Variants in HLA-DRB5 observed in about 807,000 individuals in gnomAD.
The protein encoded by HLA-DRB5 is DR beta-5.
Under a neutral mutation model 22.4 loss-of-function variants are expected in HLA-DRB5, and 11 were observed. That is an observed-to-expected ratio of 0.49 (90% CI 0.31 to 0.81). The LOEUF is 0.81. Among genes scored for constraint, HLA-DRB5 ranks in the 40% least tolerant of loss-of-function variants. HLA-DRB5 has a pLI of 0.05. For synonymous variants in HLA-DRB5, 57 were observed against 106.0 expected (o/e 0.54, Z 2.84); for missense variants, 106 against 274.4 (o/e 0.39, Z 4.34).
intron 2 of HLA-DRB5, among the ~76,000 whole-genome samples, chr6:32,520,590 A>G (rs1303909545): frequency 1.5e-4 from 6 of 40,084 alleles, no homozygotes; most frequent in Non-Finnish European, 3.1e-4. Flanking sequence ...TGACATTTGG[A>G]TCAAGGCAGG....
At chr6:32,521,004 T>A (rs190526848) in intron 2 of HLA-DRB5, among the ~76,000 whole-genome samples, 44 of 32,488 alleles carry the variant, frequency 1.4e-3, no homozygotes, top group East Asian at 2.4e-3. Context: ...GCAGTAATTA[T>A]AATTGGGCAA....
Position 32,522,488 on chromosome 6 carries a change from C to A in HLA-DRB5, c.101-314G>T, listed in dbSNP as rs569677611. 4.2e-3 allele frequency among the ~76,000 whole-genome samples: 164 copies of A among 39,370 alleles called. 21 individuals are homozygous for A. The highest frequency in any genetic ancestry group is 0.034 in the East Asian group (45 of 1,328). The allele number at this position is 39,370 out of a possible 152,430, so 25.8% of individuals were successfully genotyped here. Reference sequence around the variant, plus strand: ...CCGCCCAGCACCGGAGCCCGCGCCGCCTCCTCCTGGGAGCCTGCACCCCAA... The same window carrying A: ...CCGCCCAGCACCGGAGCCCGCGCCGACTCCTCCTGGGAGCCTGCACCCCAA... On this transcript the variant is annotated intron_variant, in intron 1 of 5. Transcript: ENST00000374975.
intron 1 of HLA-DRB5, among the ~76,000 whole-genome samples, chr6:32,526,057 T>A (rs111504925): frequency 0.11 from 7,120 of 67,034 alleles, 57 homozygotes; most frequent in Admixed American, 0.16. Context: ...TTGATCCAGC[T>A]GGCTCCCTGA....
intron 1 of HLA-DRB5, among the ~76,000 whole-genome samples, chr6:32,523,006 G>A (rs1769136023): frequency 7.1e-6 from 1 of 140,086 alleles, no homozygotes; most frequent in Non-Finnish European, 1.6e-5. Flanking sequence ...AAAGCAGAGA[G>A]GCTGAGGGGA....
At chr6:32,523,442 A>T (rs775372237) in intron 1 of HLA-DRB5, among the ~76,000 whole-genome samples, 3,197 of 39,850 alleles carry the variant, frequency 0.08, 731 homozygotes, top group East Asian at 0.12. Flanking sequence ...AAAATAACTG[A>T]AAAATAATCC....
rs1340184024 is a variant in HLA-DRB5, at chr6:32,520,714, A to G, written c.371-1063T>C. Among the ~76,000 whole-genome samples the G allele has an allele frequency of 6.9e-5, 7 of 100,776 alleles. 3 individuals are homozygous for G. The highest frequency in any genetic ancestry group is 2.8e-4 in the African/African-American group (7 of 24,812). The allele number at this position is 100,776 out of a possible 152,430, so 66.1% of individuals were successfully genotyped here. A position where few individuals can be genotyped will look rare whatever the true frequency, so the allele number is the denominator to read the frequency against. On this transcript the variant is annotated intron_variant, in intron 2 of 5. Transcript: ENST00000374975. Reference sequence around the variant, plus strand: ...AGGAAGGAGAAACCTGGAGACAAAAATACCACAAAATGATAGATTTAAGAT... The same window carrying G: ...AGGAAGGAGAAACCTGGAGACAAAAGTACCACAAAATGATAGATTTAAGAT...
rs116501574 is a variant in HLA-DRB5 at position 32,520,330 on chromosome 6, T to C, written c.371-679A>G. Among the ~76,000 whole-genome samples the C allele has an allele frequency of 9.9e-5, 8 of 80,580 alleles. 1 individual carries two copies. Among genetic ancestry groups the C allele is most frequent in the South Asian group, 3.6e-4 (1 of 2,762 alleles). The allele number at this position is 80,580 out of a possible 152,430, so 52.9% of individuals were successfully genotyped here. On this transcript the variant is annotated intron_variant, in intron 2 of 5. Coordinates refer to ENST00000374975, the MANE Select transcript of HLA-DRB5 (RefSeq NM_002125.4). ...GAGTATGAATGTTTAGGAATACTACTGCCATGCACTCACACCTTAGAACAA... is the reference window on the plus strand; with the variant it reads ...GAGTATGAATGTTTAGGAATACTACCGCCATGCACTCACACCTTAGAACAA...
chr6:32,523,676 G>A (rs115881023), intron 1 of HLA-DRB5, among the ~76,000 whole-genome samples: 60,812 of 93,728 alleles, frequency 0.65, 20,901 homozygotes, highest in Middle Eastern at 0.78. Flanking sequence ...TAACTATGAA[G>A]CTATTAAACT....
At position 32,521,725 on chromosome 6, in the gene HLA-DRB5, C is replaced by A. The variant is rs181687346; in HGVS notation, c.370+180G>T. Among the ~76,000 whole-genome samples, 3 of 61,684 alleles carry A rather than the reference C, an allele frequency of 4.9e-5. 1 individual carries two copies. Among genetic ancestry groups the A allele is most frequent in the Non-Finnish European group, 1.1e-4 (3 of 28,170 alleles). 40.5% of individuals were successfully genotyped at this position (61,684 alleles called of 152,430 possible). A position where few individuals can be genotyped will look rare whatever the true frequency, so the allele number is the denominator to read the frequency against. Reference sequence around the variant, plus strand: ...CCACACTCTACACACACACCTGTGTCCTCAGAAGTCCTTGCTCAAGATTGA... The same window carrying A: ...CCACACTCTACACACACACCTGTGTACTCAGAAGTCCTTGCTCAAGATTGA... On this transcript the variant is annotated intron_variant, in intron 2 of 5. Coordinates refer to ENST00000374975, the MANE Select transcript of HLA-DRB5 (RefSeq NM_002125.4).
At chr6:32,525,447 G>C (rs200440011) in intron 1 of HLA-DRB5, among the ~76,000 whole-genome samples, 57 of 67,528 alleles carry the variant, frequency 8.4e-4, no homozygotes, top group South Asian at 2.3e-3. Flanking sequence ...AAAGCAATTA[G>C]TATCTTCATC....
intron 2 of HLA-DRB5, among the ~76,000 whole-genome samples, chr6:32,520,738 A>C (rs190529071): frequency 0.14 from 7,518 of 54,350 alleles, 1,240 homozygotes; most frequent in Non-Finnish European, 0.16. Context: ...TAGATTTAAG[A>C]TGGTTTGTAA....
chr6:32,522,256 G>T, intron 1 of HLA-DRB5, 82 bp from the exon 2 acceptor site: 1 of 490,096 alleles, frequency 2.0e-6, no homozygotes, highest in Non-Finnish European at 3.0e-6. Flanking sequence ...GGGGCTCCCT[G>T]GGCGGGGTGC....
intron 1 of HLA-DRB5, among the ~76,000 whole-genome samples, chr6:32,524,525 A>G (rs796201069): frequency 0.33 from 23,487 of 71,664 alleles, 1,432 homozygotes; most frequent in Middle Eastern, 0.41. Flanking sequence ...TCAGAAAGTC[A>G]GAAACCAAGA....
In HLA-DRB5 at chr6:32,525,051, T is replaced by C. The variant is rs187328263; in HGVS notation, c.101-2877A>G. On this transcript the variant is annotated intron_variant, in intron 1 of 5. Coordinates refer to ENST00000374975, the MANE Select transcript of HLA-DRB5 (RefSeq NM_002125.4). ...AATGCAAAATGAATGAAAGTTTCTT[T>C]TATACATTGGAACTAGAAGCCCTTG... is the stretch of plus-strand genomic sequence containing the variant. 6.5e-3 allele frequency among the ~76,000 whole-genome samples: 158 copies of C among 24,358 alleles called. 42 individuals are homozygous for C. Among genetic ancestry groups the C allele is most frequent in the Admixed American group, 7.2e-3 (13 of 1,794 alleles). 16.0% of individuals were successfully genotyped at this position (24,358 alleles called of 152,430 possible).
chr6:32,529,730 T>A (rs2395210), intron 1 of HLA-DRB5, among the ~76,000 whole-genome samples: 248 of 114,134 alleles, frequency 2.2e-3, no homozygotes, highest in Middle Eastern at 0.011. Context: ...GGAGAGACCC[T>A]TTGAATTCCC....
chr6:32,519,806 A>G (rs111741540), intron 2 of HLA-DRB5, among the ~76,000 whole-genome samples, 155 bp from the exon 3 acceptor site: 20,214 of 76,378 alleles, frequency 0.26, 224 homozygotes, highest in Admixed American at 0.32. Context: ...TCAGCCTGGA[A>G]TTTAGTCTTT....
At chr6:32,525,444 T>C (rs1354926480) in intron 1 of HLA-DRB5, among the ~76,000 whole-genome samples, 6,153 of 59,212 alleles carry the variant, frequency 0.1, 84 homozygotes, top group Admixed American at 0.16. Context: ...TCTAAAGCAA[T>C]TAGTATCTTC....
At position 32,518,675 on chromosome 6, in the gene HLA-DRB5, G is replaced by GTT; in HGVS notation, c.653-10_653-9insAA. 1 of 638,386 alleles carries GTT rather than the reference G, an allele frequency of 1.6e-6. No homozygotes were observed. Among genetic ancestry groups the GTT allele is most frequent in the South Asian group, 2.6e-5 (1 of 38,782 alleles). The allele number at this position is 638,386 out of a possible 1,614,324, so 39.5% of individuals were successfully genotyped here. On this transcript the variant is annotated splice_polypyrimidine_tract_variant and intron_variant, in intron 3 of 5. Transcript: ENST00000374975. ...AGATTCAGACTGTGCTCCTGGGAGAGGAAACCAGGTTTAGTGATTTTTATC... is the reference window on the plus strand; with the variant it reads ...AGATTCAGACTGTGCTCCTGGGAGAGTTGAAACCAGGTTTAGTGATTTTTATC...
At chr6:32,524,834 G>A (rs150123462) in intron 1 of HLA-DRB5, among the ~76,000 whole-genome samples, 9,973 of 52,774 alleles carry the variant, frequency 0.19, 1,721 homozygotes, top group East Asian at 0.25. Flanking sequence ...ACCAGAGGAT[G>A]CCCAGGTAAA....
Sources: gnomAD v4.1 joint callset for allele counts (sites outside exome capture counted in the v4.1 genomes callset) on GRCh38, gnomAD v4.1.1 for gene constraint, MANE v1.5 for transcripts, NCBI Gene and HGNC (gene_info 2026-07-23, HGNC 2026-07-21) for gene names.